PDZD8: variants seen among roughly 807,000 people sequenced by gnomAD.
The protein encoded by PDZD8 is PDZ domain-containing protein 8.
A neutral mutation model predicts 85.8 loss-of-function variants in PDZD8; 14 were observed. The ratio of observed to expected loss-of-function variants is 0.16; its 90% CI spans 0.11 to 0.26. The LOEUF is 0.26. Ranked by LOEUF, PDZD8 falls within the 10% of genes least tolerant of loss-of-function variation. The pLI is 1.00. For synonymous variants in PDZD8, 592 were observed against 568.6 expected, an observed-to-expected ratio of 1.04 and a Z score of -0.59; for missense variants, 1,197 against 1,424.3, an observed-to-expected ratio of 0.84 and a Z score of 2.57.
At chr10:117,361,019 C>T (rs1844987645) in intron 1 of PDZD8, among the ~76,000 whole-genome samples, 1 of 152,122 alleles carries the variant, frequency 6.6e-6, no homozygotes, top group Non-Finnish European at 1.5e-5. Context: ...ATATATAAAG[C>T]TCACATTCCA....
In PDZD8 at chr10:117,375,015, T is replaced by C. The variant is rs778381444; in HGVS notation, c.213A>G (p.Gly71=). Residue 71 remains glycine, a synonymous_variant, in exon 1 of 5, where the codon GGA becomes GGG. Transcript: ENST00000334464. Reference sequence around the variant, plus strand: ...GGGTCGCGCCGCCCTCAGGGGCCGCTCCGGAGGGCTCCTCATCCCGGCCGC... The same window carrying C: ...GGGTCGCGCCGCCCTCAGGGGCCGCCCCGGAGGGCTCCTCATCCCGGCCGC... ...YGGGRDEEPS[G]AAPEGGATPT... 54 of 1,585,528 alleles carry C rather than the reference T, an allele frequency of 3.4e-5. No homozygotes were observed. The highest frequency in any genetic ancestry group is 4.4e-5 in the Non-Finnish European group (51 of 1,166,608).
intron 1 of PDZD8, among the ~76,000 whole-genome samples, chr10:117,369,402 G>A (rs372057726): frequency 4.6e-5 from 7 of 151,760 alleles, no homozygotes; most frequent in East Asian, 1.9e-4. Flanking sequence ...CAAGTGATCC[G>A]CCTGCCTTGC....
chr10:117,337,105 A>T (rs1180802334), intron 2 of PDZD8, among the ~76,000 whole-genome samples: 1 of 151,968 alleles, frequency 6.6e-6, no homozygotes, highest in South Asian at 2.1e-4. Flanking sequence ...AAAAAAAGTA[A>T]GATCTAACTA....
intron 1 of PDZD8, among the ~76,000 whole-genome samples, chr10:117,359,929 A>G (rs1589592490): frequency 6.6e-6 from 1 of 151,640 alleles, no homozygotes; most frequent in Non-Finnish European, 1.5e-5. Flanking sequence ...TCCTACAGAG[A>G]AAAAAAAGTA....
intron 1 of PDZD8, among the ~76,000 whole-genome samples, chr10:117,350,400 G>T (rs1844785230): frequency 6.6e-6 from 1 of 151,446 alleles, no homozygotes; most frequent in Non-Finnish European, 1.5e-5. Context: ...AAGTAGCTGG[G>T]ATTACAGGGT....
intron 3 of PDZD8, among the ~76,000 whole-genome samples, chr10:117,296,469 C>T (rs1476413287): frequency 2.0e-5 from 3 of 152,064 alleles, no homozygotes; most frequent in Non-Finnish European, 2.9e-5. Flanking sequence ...CAGTCGAAAT[C>T]CCTGCAGGCA....
At chr10:117,286,809 C>T (rs1381177423) in intron 4 of PDZD8, among the ~76,000 whole-genome samples, 3 of 152,060 alleles carry the variant, frequency 2.0e-5, no homozygotes, top group South Asian at 2.1e-4. Context: ...GTTTTTTGAT[C>T]CCCAGCTTTA....
At chr10:117,288,793 C>A (rs1017631796) in intron 4 of PDZD8, among the ~76,000 whole-genome samples, 3 of 152,212 alleles carry the variant, frequency 2.0e-5, no homozygotes, top group Non-Finnish European at 2.9e-5. Flanking sequence ...CAGGCATGAG[C>A]CACTGAGCCC....
intron 3 of PDZD8, among the ~76,000 whole-genome samples, chr10:117,312,186 A>G (rs1844050239): frequency 6.6e-6 from 1 of 152,104 alleles, no homozygotes; most frequent in Admixed American, 6.6e-5. Flanking sequence ...CAAGGTTTGT[A>G]TGGGGAGAAA....
intron 1 of PDZD8, among the ~76,000 whole-genome samples, chr10:117,341,755 G>T (rs1844617143): frequency 6.6e-6 from 1 of 152,188 alleles, no homozygotes; most frequent in Non-Finnish European, 1.5e-5. Flanking sequence ...TCAATCCACA[G>T]TTGTTTGAAT....
intron 2 of PDZD8, among the ~76,000 whole-genome samples, chr10:117,332,962 T>C (rs1844446245): frequency 6.6e-6 from 1 of 150,868 alleles, no homozygotes; most frequent in Non-Finnish European, 1.5e-5. Flanking sequence ...CTACTAAAAA[T>C]ACAAAAATTA....
At chr10:117,299,210 GT>G (rs1483864504) in intron 3 of PDZD8, among the ~76,000 whole-genome samples, 1 of 152,078 alleles carries the variant, frequency 6.6e-6, no homozygotes, top group Non-Finnish European at 1.5e-5. Flanking sequence ...AAATTTAATA[GT>G]TTTAGTTCTC....
chr10:117,336,614 C>A (rs1413387750), intron 2 of PDZD8, among the ~76,000 whole-genome samples: 1 of 150,312 alleles, frequency 6.7e-6, no homozygotes, highest in Non-Finnish European at 1.5e-5. Flanking sequence ...CAGCTTGTTA[C>A]ATCAGAAAGT....
intron 1 of PDZD8, among the ~76,000 whole-genome samples, chr10:117,343,797 T>C (rs376045302): frequency 6.6e-6 from 1 of 152,216 alleles, no homozygotes; most frequent in South Asian, 2.1e-4. Flanking sequence ...TTTAAATGAA[T>C]ATACTAAACG....
At chr10:117,341,254 A>C in intron 1 of PDZD8, 152 bp from the exon 2 acceptor site, 1 of 785,816 alleles carries the variant, frequency 1.3e-6, no homozygotes, top group South Asian at 2.1e-5. Flanking sequence ...CTCCCCCATA[A>C]CTGGCAGCAA....
chr10:117,278,289 A>T lies in PDZD8; in HGVS notation c.*4979T>A, dbSNP rs1417817829. ...TTTTTTAGACTCCTGAAAGTTGTTC[A>T]CATCAATGTGAAGACAAATTTTAAA... On this transcript the variant is annotated 3_prime_UTR_variant, in exon 5 of 5. Transcript: ENST00000334464. The T allele has an allele frequency of 6.6e-6, 1 of 152,264 alleles. No individual in the cohort carries two copies. The highest frequency in any genetic ancestry group is 1.5e-5 in the Non-Finnish European group (1 of 68,038). 9.4% of individuals were successfully genotyped at this position (152,264 alleles called of 1,614,324 possible).
chr10:117,353,097 C>T (rs989627612), intron 1 of PDZD8, among the ~76,000 whole-genome samples: 1 of 152,176 alleles, frequency 6.6e-6, no homozygotes, highest in Non-Finnish European at 1.5e-5. Flanking sequence ...TATAAAGTCA[C>T]AGTATCTCAC....
At chr10:117,312,163 T>A (rs1412547904) in intron 3 of PDZD8, among the ~76,000 whole-genome samples, 1 of 151,778 alleles carries the variant, frequency 6.6e-6, no homozygotes, top group Non-Finnish European at 1.5e-5. Flanking sequence ...AGAGATCGGA[T>A]GAATGGGTTA....
At chr10:117,295,015 A>T (rs141513778) in intron 3 of PDZD8, among the ~76,000 whole-genome samples, 1 of 152,304 alleles carries the variant, frequency 6.6e-6, no homozygotes, top group East Asian at 1.9e-4. Context: ...TTTCACCACA[A>T]AGAAATGTTT....
Sources: allele counts gnomAD v4.1 joint callset (sites outside exome capture counted in the v4.1 genomes callset), GRCh38; gene constraint gnomAD v4.1.1; transcripts MANE v1.5; gene names NCBI Gene and HGNC (gene_info 2026-07-23, HGNC 2026-07-21).